The following NR2F1-AS1 variants were observed in gnomAD, a reference collection of about 807,000 sequenced individuals.
NR2F1-AS1 encodes the protein NR2F1 regulatory antisense RNA 1, also known as NR2F1 antisense RNA 1.
intron 4 of NR2F1-AS1, among the ~76,000 whole-genome samples, chr5:93,450,001 C>G: frequency 6.6e-6 from 1 of 152,102 alleles, no homozygotes; most frequent in African/African-American, 2.4e-5. Context: ...TTCTGATAGA[C>G]TATTAGGAAG....
chr5:93,413,063 GGTGTGTGTGTGTGTGTGT>G (rs71613591), intron 4 of NR2F1-AS1, among the ~76,000 whole-genome samples: 13 of 139,278 alleles, frequency 9.3e-5, no homozygotes, highest in African/African-American at 2.7e-4. Flanking sequence ...ATAGCACTAT[GGTGTGTGTGTGTGTGTGT>G]GTGTGTGTGT....
chr5:93,541,209 G>A (rs1187567807), intron 4 of NR2F1-AS1, among the ~76,000 whole-genome samples: 2 of 152,204 alleles, frequency 1.3e-5, no homozygotes, highest in African/African-American at 4.8e-5. Flanking sequence ...GGAAGGAGGT[G>A]AGAATGGTAA....
chr5:93,550,296 C>A (rs774493733), intron 4 of NR2F1-AS1, among the ~76,000 whole-genome samples: 3 of 152,078 alleles, frequency 2.0e-5, no homozygotes, highest in Non-Finnish European at 4.4e-5. Context: ...CCCCTTCATT[C>A]GGTTTAACGA....
upstream of NR2F1-AS1, chr5:93,585,569 G>A (rs961992179): frequency 8.6e-7 from 1 of 1,166,910 alleles, no homozygotes; most frequent in Admixed American, 2.1e-5. Flanking sequence ...GGTGGTTGCT[G>A]TGTGGGGCTG....
At chr5:93,413,939 T>G (rs1251143672) in intron 4 of NR2F1-AS1, among the ~76,000 whole-genome samples, 1 of 152,164 alleles carries the variant, frequency 6.6e-6, no homozygotes, top group Non-Finnish European at 1.5e-5. Context: ...TGAGATCTTT[T>G]TGAGTTAGGA....
chr5:93,531,058 A>C (rs1234508818), intron 4 of NR2F1-AS1, among the ~76,000 whole-genome samples: 2 of 152,208 alleles, frequency 1.3e-5, no homozygotes, highest in Non-Finnish European at 2.9e-5. Flanking sequence ...AAGTGAATAA[A>C]TCAGGGAAAA....
At chr5:93,539,851 T>C (rs1354729005) in intron 4 of NR2F1-AS1, among the ~76,000 whole-genome samples, 4 of 152,182 alleles carry the variant, frequency 2.6e-5, no homozygotes. Flanking sequence ...AAATATATCA[T>C]ATTGTACCCC....
At chr5:93,527,251 A>T (rs1237215219) in intron 4 of NR2F1-AS1, among the ~76,000 whole-genome samples, 2 of 152,160 alleles carry the variant, frequency 1.3e-5, no homozygotes, top group African/African-American at 2.4e-5. Context: ...CACAATTGCT[A>T]CTAAGAGAAT....
chr5:93,413,863 CTTAATT>C (rs1279191276), intron 4 of NR2F1-AS1, among the ~76,000 whole-genome samples: 1 of 152,010 alleles, frequency 6.6e-6, no homozygotes, highest in African/African-American at 2.4e-5. Context: ...CATTCAAAAC[CTTAATT>C]TTATTTTTAT....
intron 4 of NR2F1-AS1, among the ~76,000 whole-genome samples, chr5:93,502,888 A>G (rs1294813314): frequency 6.6e-6 from 1 of 152,232 alleles, no homozygotes; most frequent in African/African-American, 2.4e-5. Flanking sequence ...GACAGTGTCA[A>G]TAGTATGCCT....
At chr5:93,467,188 G>A (rs956459523) in intron 4 of NR2F1-AS1, among the ~76,000 whole-genome samples, 4 of 152,070 alleles carry the variant, frequency 2.6e-5, no homozygotes, top group South Asian at 2.1e-4. Context: ...TATCAATATC[G>A]TGAAAATGTC....
At chr5:93,545,147 A>G (rs1410452066) in intron 4 of NR2F1-AS1, among the ~76,000 whole-genome samples, 1 of 152,218 alleles carries the variant, frequency 6.6e-6, no homozygotes, top group East Asian at 1.9e-4. Context: ...GTCCCTATAG[A>G]GTTAAGATGG....
chr5:93,416,834 G>C (rs1191070631), intron 4 of NR2F1-AS1, among the ~76,000 whole-genome samples: 1 of 151,892 alleles, frequency 6.6e-6, no homozygotes, highest in Non-Finnish European at 1.5e-5. Flanking sequence ...CTCAGAGGAA[G>C]GTTACAAAAC....
At chr5:93,569,209 A>C (rs1252823544) in intron 1 of NR2F1-AS1, among the ~76,000 whole-genome samples, 3 of 152,162 alleles carry the variant, frequency 2.0e-5, no homozygotes, top group Admixed American at 6.5e-5. Flanking sequence ...CCACAGCATC[A>C]TTAGTACACA....
chr5:93,505,851 C>A (rs937555355), intron 4 of NR2F1-AS1, among the ~76,000 whole-genome samples: 2 of 152,182 alleles, frequency 1.3e-5, no homozygotes, highest in Admixed American at 6.5e-5. Context: ...GGCCTAGAGA[C>A]ATGGCCTGGA....
chr5:93,431,136 C>T (rs1749304493), intron 4 of NR2F1-AS1, among the ~76,000 whole-genome samples: 1 of 152,084 alleles, frequency 6.6e-6, no homozygotes, highest in African/African-American at 2.4e-5. Flanking sequence ...GCCATACAGG[C>T]TATAAACTAC....
At chr5:93,576,735 A>G (rs1051802066) in intron 1 of NR2F1-AS1, among the ~76,000 whole-genome samples, 1 of 152,194 alleles carries the variant, frequency 6.6e-6, no homozygotes, top group African/African-American at 2.4e-5. Context: ...TCTACTTCTG[A>G]TGGGCTAATC....
chr5:93,465,338 C>T (rs1326739673), intron 4 of NR2F1-AS1, among the ~76,000 whole-genome samples: 2 of 152,202 alleles, frequency 1.3e-5, no homozygotes, highest in Admixed American at 1.3e-4. Flanking sequence ...CTCATGATCA[C>T]TGGTCATCAA....
At chr5:93,573,516 A>C (rs937433806) in intron 1 of NR2F1-AS1, among the ~76,000 whole-genome samples, 1 of 152,210 alleles carries the variant, frequency 6.6e-6, no homozygotes, top group Non-Finnish European at 1.5e-5. Flanking sequence ...GGAAAAACGA[A>C]CAAGGGGACA....
Sources: gnomAD v4.1 joint callset for allele counts (sites outside exome capture counted in the v4.1 genomes callset) on GRCh38, gnomAD v4.1.1 for gene constraint, MANE v1.5 for transcripts, NCBI Gene and HGNC (gene_info 2026-07-23, HGNC 2026-07-21) for gene names.